Variants in PSME3IP1 observed in about 807,000 individuals in gnomAD.
PSME3IP1 encodes proteasome activator subunit 3 interacting protein 1.
PSME3IP1 carries 13 observed loss-of-function variants against 34.1 expected under a neutral mutation model. That is an observed-to-expected ratio of 0.38 (90% confidence interval 0.25 to 0.61). PSME3IP1 has a LOEUF of 0.61. PSME3IP1 is among the 20% of genes least tolerant of loss of function. The probability of loss-of-function intolerance (pLI) is 0.60; values close to 1 mark genes in which losing one functional copy is unlikely to be tolerated. For synonymous variants in PSME3IP1, 93 were observed against 114.3 expected, an observed-to-expected ratio of 0.81 and a Z score of 1.19; for missense variants, 237 against 301.4, an observed-to-expected ratio of 0.79 and a Z score of 1.58.
At position 57,161,981 on chromosome 16, in the gene PSME3IP1, C is replaced by G. The variant is rs531249244; in HGVS notation, c.547+2020G>C. ...GAGCAATGGTGCAATCTCGGCTCAC[C>G]GCAACCTCTGCCTCCCAGGTTCAAA... is the stretch of plus-strand genomic sequence containing the variant. On this transcript the variant is annotated intron_variant, in intron 6 of 6. Transcript: ENST00000309137. Among the ~76,000 whole-genome samples the G allele has an allele frequency of 1.3e-4, 20 of 152,156 alleles. No homozygotes were observed. The South Asian group carries it at 4.1e-3, about 32-fold the overall frequency.
intron 6 of PSME3IP1, among the ~76,000 whole-genome samples, chr16:57,159,259 AT>A (rs1329484818): frequency 2.0e-5 from 3 of 152,196 alleles, no homozygotes; most frequent in Admixed American, 6.5e-5. Flanking sequence ...AAGAAAAGAG[AT>A]TGCAAATCTG....
At position 57,186,014 on chromosome 16, in the gene PSME3IP1, G is replaced by A. The variant is rs1213129965; in HGVS notation, c.-209C>T. ...TTTTGTATTTCTTTTGACCCTTCAG[G>A]GCTTCCTGTTCCTCACCGCCACAAT... On this transcript the variant is annotated 5_prime_UTR_variant, in exon 1 of 7. Coordinates refer to ENST00000309137, the MANE Select transcript of PSME3IP1 (RefSeq NM_024946.4). 3.9e-5 allele frequency: 38 copies of A among 985,320 alleles called. No homozygotes were observed. Among genetic ancestry groups the A allele is most frequent in the East Asian group, 1.1e-4 (1 of 8,818 alleles). 61.0% of individuals were successfully genotyped at this position (985,320 alleles called of 1,614,324 possible). A position where few individuals can be genotyped will look rare whatever the true frequency, so the allele number is the denominator to read the frequency against.
At chr16:57,160,296 C>CAAAAAAAAAAAAAAAGAAA (rs1265182068) in intron 6 of PSME3IP1, among the ~76,000 whole-genome samples, 10 of 79,124 alleles carry the variant, frequency 1.3e-4, no homozygotes, top group African/African-American at 4.6e-4. Context: ...GACTCCGTCT[C>CAAAAAAAAAAAAAAAGAAA]AAAAAAAAAA....
At chr16:57,182,037 T>G (rs867722990) in intron 1 of PSME3IP1, among the ~76,000 whole-genome samples, 4 of 152,296 alleles carry the variant, frequency 2.6e-5, no homozygotes, top group Admixed American at 6.5e-5. Flanking sequence ...GGTTGGACAT[T>G]GGTTGAAGGT....
At position 57,176,063 on chromosome 16, in the gene PSME3IP1, A is replaced by G. The variant is rs150299264; in HGVS notation, c.-15-2194T>C. 2.9e-4 allele frequency among the ~76,000 whole-genome samples: 44 copies of G among 152,328 alleles called. 1 individual carries two copies. The East Asian group carries it at 7.7e-3, about 27-fold the overall frequency. ...GACACTTCTGATTTAGCAGCACTCA[A>G]TGACTCCAGCCAGAGGCTCATTACT... On this transcript the variant is annotated intron_variant, in intron 1 of 6. Coordinates refer to ENST00000309137, the MANE Select transcript of PSME3IP1 (RefSeq NM_024946.4).
intron 6 of PSME3IP1, among the ~76,000 whole-genome samples, chr16:57,155,862 C>T (rs996351488): frequency 5.3e-5 from 8 of 151,820 alleles, no homozygotes; most frequent in Non-Finnish European, 1.2e-4. Flanking sequence ...GTCCCAGCTA[C>T]TTGTGAGGCT....
intron 4 of PSME3IP1, among the ~76,000 whole-genome samples, chr16:57,170,871 G>A (rs945200226): frequency 6.6e-6 from 1 of 152,150 alleles, no homozygotes; most frequent in Non-Finnish European, 1.5e-5. Context: ...TAACGAGTTC[G>A]AGACCAGCCT....
chr16:57,176,182 ATG>A (rs1484498317), intron 1 of PSME3IP1, among the ~76,000 whole-genome samples: 2 of 152,236 alleles, frequency 1.3e-5, no homozygotes, highest in African/African-American at 4.8e-5. Flanking sequence ...AATTTCTTAA[ATG>A]TCTCTGGCAG....
intron 5 of PSME3IP1, among the ~76,000 whole-genome samples, chr16:57,164,359 A>G (rs1157866546): frequency 6.6e-6 from 1 of 152,240 alleles, no homozygotes; most frequent in Non-Finnish European, 1.5e-5. Flanking sequence ...AGAACCACAG[A>G]TGGATTTCAA....
chr16:57,167,310 G>A, intron 4 of PSME3IP1, 84 bp from the exon 5 acceptor site: 1 of 1,463,164 alleles, frequency 6.8e-7, no homozygotes, highest in South Asian at 1.2e-5. Context: ...GCGATGTAAT[G>A]TCTGGCCTAC....
intron 1 of PSME3IP1, chr16:57,178,666 T>G (rs2073418281): frequency 1.0e-6 from 1 of 985,178 alleles, no homozygotes; most frequent in Admixed American, 6.1e-5. Flanking sequence ...CGCCATACAA[T>G]TTGTGCAGTA....
At chr16:57,168,998 T>C (rs1218328016) in intron 4 of PSME3IP1, among the ~76,000 whole-genome samples, 1 of 151,998 alleles carries the variant, frequency 6.6e-6, no homozygotes, top group Non-Finnish European at 1.5e-5. Flanking sequence ...TATTTATACA[T>C]TATTTATACC....
At chr16:57,175,717 A>G (rs2073110410) in intron 1 of PSME3IP1, 1 of 152,204 alleles carries the variant, frequency 6.6e-6, no homozygotes, top group Non-Finnish European at 1.5e-5. Context: ...TCAAAAATGC[A>G]TACTCTTACC....
chr16:57,177,191 T>C (rs1407705569), intron 1 of PSME3IP1, among the ~76,000 whole-genome samples: 1 of 151,920 alleles, frequency 6.6e-6, no homozygotes, highest in Non-Finnish European at 1.5e-5. Flanking sequence ...AATCTTCCAA[T>C]ATGCCAAAAA....
intron 1 of PSME3IP1, chr16:57,185,585 T>C (rs2074103298): frequency 1.0e-6 from 1 of 985,432 alleles, no homozygotes. Context: ...CGCCCGGCAG[T>C]GTTGGGCCCG....
At chr16:57,162,017 G>A (rs996787062) in intron 6 of PSME3IP1, among the ~76,000 whole-genome samples, 4 of 152,014 alleles carry the variant, frequency 2.6e-5, no homozygotes, top group South Asian at 4.1e-4. Context: ...CGATTCTTCC[G>A]CCTCAGCCTC....
chr16:57,179,867 T>C (rs1412297555), intron 1 of PSME3IP1, among the ~76,000 whole-genome samples: 1 of 152,250 alleles, frequency 6.6e-6, no homozygotes, highest in South Asian at 2.1e-4. Context: ...TACTTCAAAA[T>C]GCAGGACAGC....
chr16:57,179,292 C>T (rs1406887186), intron 1 of PSME3IP1, among the ~76,000 whole-genome samples: 5 of 152,230 alleles, frequency 3.3e-5, no homozygotes, highest in African/African-American at 1.2e-4. Context: ...TCAAAATTCA[C>T]TTTGTCCACC....
chr16:57,171,004 C>T (rs760256842), intron 4 of PSME3IP1, among the ~76,000 whole-genome samples: 12 of 151,820 alleles, frequency 7.9e-5, no homozygotes, highest in Non-Finnish European at 1.5e-4. Flanking sequence ...ACCCGGGAGG[C>T]GGAGGTTGCA....
Sources: allele counts gnomAD v4.1 joint callset (sites outside exome capture counted in the v4.1 genomes callset), GRCh38; gene constraint gnomAD v4.1.1; transcripts MANE v1.5; gene names NCBI Gene and HGNC (gene_info 2026-07-23, HGNC 2026-07-21).